FAM200B: variants seen among roughly 807,000 people sequenced by gnomAD.
FAM200B encodes the protein protein FAM200B.
FAM200B carries 32 observed loss-of-function variants against 33.1 expected under a neutral mutation model. The observed-to-expected ratio is 0.97, with a 90% CI of 0.73 to 1.30. FAM200B has a LOEUF of 1.30. Ranked by LOEUF, FAM200B falls within the 50% of genes most tolerant of loss-of-function variation. The pLI is 0.00. For missense variants in FAM200B, 741 were observed against 754.0 expected (o/e 0.98, Z 0.20); for synonymous variants, 240 against 264.8 (o/e 0.91, Z 0.91).
the FAM200B span, among the ~76,000 whole-genome samples, chr4:15,676,450 A>C: frequency 3.3e-5 from 5 of 152,224 alleles, no homozygotes; most frequent in Non-Finnish European, 7.3e-5. Flanking sequence ...AACAACAAAA[A>C]AAAGGGAGAC....
chr4:15,638,479 A>C, the FAM200B span: 1 of 1,512,954 alleles, frequency 6.6e-7, no homozygotes, highest in South Asian at 1.3e-5. Flanking sequence ...TACAACTAAT[A>C]AATTGTTCTT....
In FAM200B at chr4:15,690,357, G is replaced by A. The variant is rs1719275424; in HGVS notation, c.*1406G>A. The A allele has an allele frequency of 6.0e-6, 1 of 166,764 alleles. No homozygotes were observed. Among genetic ancestry groups the A allele is most frequent in the Admixed American group, 6.6e-5 (1 of 15,260 alleles). 10.3% of individuals were successfully genotyped at this position (166,764 alleles called of 1,614,324 possible). The stretch of plus-strand genomic sequence containing the variant: ...TCCTTTCCATCTGCTACCATGCCTA[G>A]CCTTATTTAATTTTTCAGATTTTCT... On this transcript the variant is annotated 3_prime_UTR_variant, in exon 2 of 2. Coordinates refer to ENST00000422728, the MANE Select transcript of FAM200B (RefSeq NM_001145191.2).
At chr4:15,683,429 C>G (rs1325584933) in intron 1 of FAM200B, among the ~76,000 whole-genome samples, 2 of 152,028 alleles carry the variant, frequency 1.3e-5, no homozygotes, top group Admixed American at 6.6e-5. Flanking sequence ...TTAAAAATAT[C>G]TTTTTAATAC....
At chr4:15,662,082 G>A in the FAM200B span, among the ~76,000 whole-genome samples, 10 of 152,190 alleles carry the variant, frequency 6.6e-5, no homozygotes, top group African/African-American at 2.4e-4. Context: ...TCTCAGAAGA[G>A]ACATCCCATC....
upstream of FAM200B, among the ~76,000 whole-genome samples, chr4:15,678,086 T>G (rs1253530878): frequency 6.6e-6 from 1 of 152,214 alleles, no homozygotes; most frequent in East Asian, 1.9e-4. Context: ...TCTTTTCTCA[T>G]AAATTATATA....
chr4:15,676,235 A>G, the FAM200B span, among the ~76,000 whole-genome samples: 1 of 152,234 alleles, frequency 6.6e-6, no homozygotes, highest in South Asian at 2.1e-4. Flanking sequence ...ATATGATGCA[A>G]TAGGATGTTT....
At chr4:15,638,624 G>A in the FAM200B span, 1 of 1,613,260 alleles carries the variant, frequency 6.2e-7, no homozygotes, top group Non-Finnish European at 8.5e-7. Context: ...GCAGTGTTGT[G>A]CAATCACTTT....
chr4:15,655,855 A>G, the FAM200B span, among the ~76,000 whole-genome samples: 165 of 152,232 alleles, frequency 1.1e-3, no homozygotes, highest in Middle Eastern at 3.4e-3. Flanking sequence ...CCGAGCGCAG[A>G]CCACCCCGGC....
At chr4:15,662,719 A>G in the FAM200B span, among the ~76,000 whole-genome samples, 3 of 152,216 alleles carry the variant, frequency 2.0e-5, no homozygotes, top group Non-Finnish European at 2.9e-5. Context: ...AATCCATTCA[A>G]TCCATTATCT....
In FAM200B at chr4:15,683,965, A is replaced by G. The variant is rs186289651; in HGVS notation, c.-743+2064A>G. On this transcript the variant is annotated intron_variant, in intron 1 of 1. Transcript: ENST00000422728. Reference sequence around the variant, plus strand: ...TTTATTAGTGGAAAATCACTTACCTAAAACCATATCATATAACCGTGTTAA... The same window carrying G: ...TTTATTAGTGGAAAATCACTTACCTGAAACCATATCATATAACCGTGTTAA... Among the ~76,000 whole-genome samples the G allele has an allele frequency of 1.7e-3, 259 of 152,384 alleles. 2 individuals are homozygous for G. The highest frequency in any genetic ancestry group is 1.0e-3 in the Admixed American group (16 of 15,312).
chr4:15,647,695 T>C, the FAM200B span, among the ~76,000 whole-genome samples: 2 of 152,166 alleles, frequency 1.3e-5, no homozygotes, highest in African/African-American at 2.4e-5. Flanking sequence ...ACAGGTAGAA[T>C]CTATATCCAG....
rs1040150302 is a variant in FAM200B at position 15,686,810 on chromosome 4, TATTACA to T, written c.-162_-157del. ...GTTAATGTTCTATAGTCAAGTTTTA[TATTACA>T]ATTACTTGCAACTAGTTGTGAAGTC... On this transcript the variant is annotated 5_prime_UTR_variant, in exon 2 of 2. Transcript: ENST00000422728. 1.9e-5 allele frequency: 8 copies of T among 427,790 alleles called. No individual in the cohort carries two copies. Among genetic ancestry groups the T allele is most frequent in the Non-Finnish European group, 3.4e-5 (8 of 238,046 alleles). 26.5% of individuals were successfully genotyped at this position (427,790 alleles called of 1,614,324 possible). A position where few individuals can be genotyped will look rare whatever the true frequency, so the allele number is the denominator to read the frequency against.
At position 15,688,443 on chromosome 4, in the gene FAM200B, A is replaced by G. The variant is rs1444883767; in HGVS notation, c.1466A>G (p.Gln489Arg). 1.3e-6 allele frequency: 2 copies of G among 1,541,852 alleles called. No individual in the cohort carries two copies. Among genetic ancestry groups the G allele is most frequent in the East Asian group, 2.5e-5 (1 of 40,756 alleles). Residue 489 changes from glutamine (Q) to arginine (R), a missense_variant, in exon 2 of 2, where the codon CAG becomes CGG. Coordinates refer to ENST00000422728, the MANE Select transcript of FAM200B (RefSeq NM_001145191.2). The part of the protein sequence containing the change: ...PSYYMFPRFL[Q>R]HIEENIINEN... The stretch of plus-strand genomic sequence containing the variant: ...TATTACATGTTTCCAAGATTTTTGC[A>G]GCATATTGAAGAGAATATTATTAAT...
At chr4:15,656,304 T>G in the FAM200B span, 1 of 456,104 alleles carries the variant, frequency 2.2e-6, no homozygotes, top group Non-Finnish European at 4.4e-6. Context: ...TGTTCTCTGC[T>G]CACGCCGGTC....
At chr4:15,661,183 G>A in the FAM200B span, among the ~76,000 whole-genome samples, 2 of 152,168 alleles carry the variant, frequency 1.3e-5, no homozygotes, top group African/African-American at 4.8e-5. Flanking sequence ...TCTCTACCAA[G>A]GTGATTCTTT....
At chr4:15,638,280 A>G in the FAM200B span, among the ~76,000 whole-genome samples, 2 of 152,178 alleles carry the variant, frequency 1.3e-5, no homozygotes, top group Non-Finnish European at 2.9e-5. Flanking sequence ...TTCAAGAAAC[A>G]CTACACTGAA....
At position 15,687,143 on chromosome 4, in the gene FAM200B, A is replaced by G. The variant is rs1296623323; in HGVS notation, c.166A>G (p.Lys56Glu). 6.5e-7 allele frequency: 1 copy of G among 1,547,788 alleles called. No individual in the cohort carries two copies. Among genetic ancestry groups the G allele is most frequent in the East Asian group, 2.5e-5 (1 of 40,776 alleles). Residue 56 changes from lysine to glutamate, a missense_variant, in exon 2 of 2, where the codon AAA becomes GAA. Lys to Glu is a moderately conservative substitution (Grantham distance 56). Coordinates refer to ENST00000422728, the MANE Select transcript of FAM200B (RefSeq NM_001145191.2). ...TTCATTTGAGCCACATTTCAAAAAG[A>G]AAAAAGTAAGTGCAAGACGTTATAA... ...STSFEPHFKK[K>E]KVSARRYNED... is the part of the protein sequence containing the mutation.
the FAM200B span, among the ~76,000 whole-genome samples, chr4:15,669,489 G>A: frequency 2.0e-5 from 3 of 151,972 alleles, no homozygotes; most frequent in Non-Finnish European, 2.9e-5. Flanking sequence ...TTTTTTAAAC[G>A]TTGTGCTACT....
At chr4:15,674,706 G>C in the FAM200B span, among the ~76,000 whole-genome samples, 1 of 150,956 alleles carries the variant, frequency 6.6e-6, no homozygotes, top group Non-Finnish European at 1.5e-5. Flanking sequence ...CTGGAGTGCA[G>C]TGACGCGATC....
Sources: gnomAD v4.1 joint callset for allele counts (sites outside exome capture counted in the v4.1 genomes callset) on GRCh38, gnomAD v4.1.1 for gene constraint, MANE v1.5 for transcripts, NCBI Gene and HGNC (gene_info 2026-07-23, HGNC 2026-07-21) for gene names.